Variants in ZNF804A observed in about 807,000 individuals in gnomAD.
The protein encoded by ZNF804A is zinc finger protein 804A.
Under a neutral mutation model 16.5 loss-of-function variants are expected in ZNF804A, and 2 were observed. That is an observed-to-expected ratio of 0.12 (90% CI 0.05 to 0.38). The LOEUF (loss-of-function observed/expected upper bound fraction) is 0.38. Among genes scored for constraint, ZNF804A ranks in the 10% least tolerant of loss-of-function variants. ZNF804A has a pLI of 0.99. For synonymous variants in ZNF804A, 534 were observed against 489.6 expected, an observed-to-expected ratio of 1.09 and a Z score of -1.20; for missense variants, 1,473 against 1,390.7, an observed-to-expected ratio of 1.06 and a Z score of -0.94.
chr2:184,810,276 G>A (rs898732666), intron 1 of ZNF804A, among the ~76,000 whole-genome samples: 6 of 152,032 alleles, frequency 3.9e-5, no homozygotes, highest in Non-Finnish European at 7.4e-5. Context: ...CCTGCTATAG[G>A]TGATGATCAT....
rs190232383 is a variant in ZNF804A at position 184,915,358 on chromosome 2, A to G, written c.256-18245A>G. ...GGTAATAGCTGCAAGGTATATCTATATAAAGTTGAGCCATATCTCTTAACC... is the reference window on the plus strand; with the variant it reads ...GGTAATAGCTGCAAGGTATATCTATGTAAAGTTGAGCCATATCTCTTAACC... On this transcript the variant is annotated intron_variant, in intron 2 of 3. Transcript: ENST00000302277. Among the ~76,000 whole-genome samples, 7 of 152,242 alleles carry G rather than the reference A, an allele frequency of 4.6e-5. No individual in the cohort carries two copies. The East Asian group carries it at 1.4e-3, about 29-fold the overall frequency.
chr2:184,779,245 C>T (rs2105772789), intron 1 of ZNF804A, among the ~76,000 whole-genome samples: 1 of 151,802 alleles, frequency 6.6e-6, no homozygotes, highest in Middle Eastern at 3.4e-3. Flanking sequence ...GTTGGGTTGG[C>T]CTCTCATCTG....
intron 1 of ZNF804A, among the ~76,000 whole-genome samples, chr2:184,736,263 T>C (rs1300249764): frequency 6.6e-6 from 1 of 152,188 alleles, no homozygotes; most frequent in Non-Finnish European, 1.5e-5. Context: ...GGGAGACAAT[T>C]TTGTCTACTG....
intron 2 of ZNF804A, among the ~76,000 whole-genome samples, chr2:184,898,862 C>T (rs1031073666): frequency 2.6e-5 from 4 of 151,678 alleles, no homozygotes; most frequent in African/African-American, 9.7e-5. Context: ...TGATTGTTTA[C>T]AACATAAATT....
rs1339772049 is a variant in ZNF804A at position 184,697,633 on chromosome 2, CA to C, written c.111+98566del. 2.0e-5 allele frequency among the ~76,000 whole-genome samples: 3 copies of C among 152,052 alleles called. No individual in the cohort carries two copies. In the East Asian group the frequency reaches 5.8e-4, roughly 29 times the overall value. ...AAGCATTTATCAAGATATGATAATT[CA>C]AAGAGTAATACTTATCAAAATAGTT... is the stretch of plus-strand genomic sequence containing the variant. On this transcript the variant is annotated intron_variant, in intron 1 of 3. Coordinates refer to ENST00000302277, the MANE Select transcript of ZNF804A (RefSeq NM_194250.2).
intron 1 of ZNF804A, among the ~76,000 whole-genome samples, chr2:184,705,276 A>G (rs1426868450): frequency 2.6e-5 from 4 of 152,216 alleles, no homozygotes; most frequent in Non-Finnish European, 4.4e-5. Context: ...GAAGAACTTT[A>G]TTGACGTAGT....
Position 184,938,707 on chromosome 2 carries a change from AGCAGCACGCTGCAGCTGCTGCAGCTGC to A in ZNF804A, c.3312_3338del (p.Gln1105_Ala1113del). On this transcript the variant is annotated inframe_deletion, in exon 4 of 4. Transcript: ENST00000302277. ...ACCACTATCCATCACACTGTTTTGC[AGCAGCACGCTGCAGCTGCTGCAGCTGC>A]AGCTGCAGCCGCAGCTGCAGGAACC... 6.2e-7 allele frequency: 1 copy of A among 1,613,376 alleles called. No individual in the cohort carries two copies. Among genetic ancestry groups the A allele is most frequent in the Middle Eastern group, 1.7e-4 (1 of 6,058 alleles).
chr2:184,659,589 A>G (rs190016438), intron 1 of ZNF804A, among the ~76,000 whole-genome samples: 3 of 152,194 alleles, frequency 2.0e-5, no homozygotes, highest in African/African-American at 7.2e-5. Context: ...AATTGTAAAA[A>G]CCCACAAAGT....
At chr2:184,720,110 G>A (rs942091836) in intron 1 of ZNF804A, among the ~76,000 whole-genome samples, 2 of 152,088 alleles carry the variant, frequency 1.3e-5, no homozygotes, top group Non-Finnish European at 2.9e-5. Flanking sequence ...AAGAGAAGAC[G>A]TTTTGTGCAG....
intron 1 of ZNF804A, among the ~76,000 whole-genome samples, chr2:184,695,777 T>C (rs936852463): frequency 9.9e-5 from 15 of 152,124 alleles, no homozygotes; most frequent in African/African-American, 1.9e-4. Context: ...GGATTTAGAC[T>C]TGTTCTTGTT....
chr2:184,807,089 A>G (rs1694819650), intron 1 of ZNF804A, among the ~76,000 whole-genome samples: 1 of 151,064 alleles, frequency 6.6e-6, no homozygotes, highest in Admixed American at 6.6e-5. Flanking sequence ...TTTACCTTGA[A>G]TATTTTGAAA....
chr2:184,634,744 C>T (rs1559113463), intron 1 of ZNF804A, among the ~76,000 whole-genome samples: 1 of 152,140 alleles, frequency 6.6e-6, no homozygotes, highest in Non-Finnish European at 1.5e-5. Context: ...GTTAATAAAA[C>T]CTGTTTCCAA....
At chr2:184,619,048 A>C (rs1691376525) in intron 1 of ZNF804A, among the ~76,000 whole-genome samples, 1 of 152,052 alleles carries the variant, frequency 6.6e-6, no homozygotes, top group Non-Finnish European at 1.5e-5. Flanking sequence ...GCTTTGCTGC[A>C]GGGAATGGGA....
intron 1 of ZNF804A, among the ~76,000 whole-genome samples, chr2:184,681,218 T>C (rs1005330643): frequency 4.0e-5 from 6 of 151,740 alleles, no homozygotes; most frequent in African/African-American, 1.5e-4. Flanking sequence ...GCCACAGAGG[T>C]TCCCAGATGG....
chr2:184,873,671 A>G (rs1696009402), intron 2 of ZNF804A, among the ~76,000 whole-genome samples: 1 of 152,204 alleles, frequency 6.6e-6, no homozygotes, highest in African/African-American at 2.4e-5. Context: ...AGAAATATGA[A>G]CACATATGAA....
At chr2:184,805,295 T>C (rs1694784906) in intron 1 of ZNF804A, among the ~76,000 whole-genome samples, 1 of 152,154 alleles carries the variant, frequency 6.6e-6, no homozygotes. Context: ...ATAACATTCT[T>C]AAGATATCTT....
At chr2:184,607,817 T>C (rs1220159523) in intron 1 of ZNF804A, among the ~76,000 whole-genome samples, 1 of 151,916 alleles carries the variant, frequency 6.6e-6, no homozygotes, top group Non-Finnish European at 1.5e-5. Flanking sequence ...ATGTACAGAG[T>C]TATGTCAATG....
intron 1 of ZNF804A, among the ~76,000 whole-genome samples, chr2:184,725,969 T>C (rs556930761): frequency 2.6e-4 from 40 of 151,832 alleles, no homozygotes; most frequent in African/African-American, 9.4e-4. Context: ...TTAGAGATGA[T>C]AGCTTTCTAG....
At chr2:184,746,567 T>G (rs1476267611) in intron 1 of ZNF804A, among the ~76,000 whole-genome samples, 1 of 151,516 alleles carries the variant, frequency 6.6e-6, no homozygotes, top group East Asian at 1.9e-4. Context: ...TTATACTCTT[T>G]TGGTTATTTT....
Sources: gnomAD v4.1 joint callset for allele counts (sites outside exome capture counted in the v4.1 genomes callset) on GRCh38, gnomAD v4.1.1 for gene constraint, MANE v1.5 for transcripts, NCBI Gene and HGNC (gene_info 2026-07-23, HGNC 2026-07-21) for gene names.